PRRX1: variants seen among roughly 807,000 people sequenced by gnomAD.
The protein encoded by PRRX1 is paired mesoderm homeobox protein 1.
PRRX1 carries 8 observed loss-of-function variants against 24.0 expected under a neutral mutation model. The observed-to-expected ratio is 0.33, with a 90% CI of 0.20 to 0.60. PRRX1 has a LOEUF of 0.60. PRRX1 is among the 20% of genes least tolerant of loss of function. The probability of loss-of-function intolerance (pLI) is 0.82; values close to 1 mark genes in which losing one functional copy is unlikely to be tolerated. For missense variants in PRRX1, 281 were observed against 322.4 expected (o/e 0.87, Z 0.98); for synonymous variants, 160 against 131.7 (o/e 1.22, Z -1.47).
chr1:170,735,561 A>T (rs1053376731), intron 3 of PRRX1, among the ~76,000 whole-genome samples: 2 of 152,174 alleles, frequency 1.3e-5, no homozygotes, highest in Non-Finnish European at 2.9e-5. Flanking sequence ...TATGGTATTT[A>T]TTATCTAAAA....
At chr1:170,665,075 G>A (rs1184323059) in intron 1 of PRRX1, among the ~76,000 whole-genome samples, 1 of 152,188 alleles carries the variant, frequency 6.6e-6, no homozygotes, top group African/African-American at 2.4e-5. Flanking sequence ...TGCCTCTACC[G>A]CAAATGGGTT....
chr1:170,679,140 T>C (rs1467309988), intron 1 of PRRX1, among the ~76,000 whole-genome samples: 5 of 152,208 alleles, frequency 3.3e-5, no homozygotes, highest in Non-Finnish European at 2.9e-5. Flanking sequence ...AAGGAGTACA[T>C]ACAGCTTTAA....
chr1:170,705,923 CACACACACACAT>C lies in PRRX1; in HGVS notation c.242-13791_242-13780del, dbSNP rs1654544006. 4.0e-5 allele frequency among the ~76,000 whole-genome samples: 5 copies of C among 126,134 alleles called. No homozygotes were observed. The South Asian group carries it at 1.3e-3, about 33-fold the overall frequency. The allele number at this position is 126,134 out of a possible 152,430, so 82.7% of individuals were successfully genotyped here. On this transcript the variant is annotated intron_variant, in intron 1 of 3. Transcript: ENST00000239461. The stretch of plus-strand genomic sequence containing the variant: ...TCACACATATACCCACATAGACACA[CACACACACACAT>C]ACACACACACACACACACACACACA...
chr1:170,707,348 C>T (rs1306372925), intron 1 of PRRX1, among the ~76,000 whole-genome samples: 2 of 151,866 alleles, frequency 1.3e-5, no homozygotes, highest in Non-Finnish European at 2.9e-5. Flanking sequence ...CAGGGGTCTG[C>T]AGAACACAGC....
intron 1 of PRRX1, among the ~76,000 whole-genome samples, chr1:170,682,105 T>A (rs1034603923): frequency 1.3e-5 from 2 of 152,152 alleles, no homozygotes; most frequent in Non-Finnish European, 2.9e-5. Context: ...GCAGCTAGTA[T>A]GTTGCATCCT....
rs1045190978 is a variant in PRRX1, at chr1:170,737,410, G to A, written c.*1224G>A. On this transcript the variant is annotated 3_prime_UTR_variant, in exon 4 of 4. Coordinates refer to ENST00000239461, the MANE Select transcript of PRRX1 (RefSeq NM_022716.4). The stretch of plus-strand genomic sequence containing the variant: ...TTTAAATGAATTAGAAACTATTTGA[G>A]GCTATAAAAATGTCCTTGAGTTTGG... 1 of 195,724 alleles carries A rather than the reference G, an allele frequency of 5.1e-6. No individual in the cohort carries two copies. Among genetic ancestry groups the A allele is most frequent in the Non-Finnish European group, 1.1e-5 (1 of 94,354 alleles). The allele number at this position is 195,724 out of a possible 1,614,324, so 12.1% of individuals were successfully genotyped here.
At position 170,708,356 on chromosome 1, in the gene PRRX1, G is replaced by T. The variant is rs1006383237; in HGVS notation, c.242-11370G>T. On this transcript the variant is annotated intron_variant, in intron 1 of 3. Coordinates refer to ENST00000239461, the MANE Select transcript of PRRX1 (RefSeq NM_022716.4). ...TTTCTCATATGACCTTAGTGCATCG[G>T]CTTCCTTACTAGTTAAAACAGTCGC... Among the ~76,000 whole-genome samples, 4 of 152,030 alleles carry T rather than the reference G, an allele frequency of 2.6e-5. No homozygotes were observed. The East Asian group carries it at 7.8e-4, about 29-fold the overall frequency.
chr1:170,722,011 G>A (rs1655101062), intron 2 of PRRX1, among the ~76,000 whole-genome samples: 1 of 151,794 alleles, frequency 6.6e-6, no homozygotes, highest in Non-Finnish European at 1.5e-5. Flanking sequence ...TTTTGGGGTT[G>A]GGGGACTGTC....
intron 3 of PRRX1, 97 bp from the exon 4 acceptor site, chr1:170,735,951 G>T: frequency 2.0e-6 from 3 of 1,529,500 alleles, no homozygotes; most frequent in Non-Finnish European, 1.8e-6. Flanking sequence ...GCCCCTGCCT[G>T]CCCCCATGCT....
chr1:170,691,177 G>A (rs1653933279), intron 1 of PRRX1, among the ~76,000 whole-genome samples: 4 of 152,094 alleles, frequency 2.6e-5, no homozygotes, highest in Admixed American at 2.6e-4. Context: ...AAATGGTTGT[G>A]CAAAAGGTAT....
At chr1:170,729,360 A>C (rs979380813) in intron 3 of PRRX1, among the ~76,000 whole-genome samples, 1 of 152,194 alleles carries the variant, frequency 6.6e-6, no homozygotes, top group African/African-American at 2.4e-5. Context: ...AGCCAGAGAC[A>C]GTGAGCGACA....
intron 1 of PRRX1, among the ~76,000 whole-genome samples, chr1:170,711,892 C>T (rs919170623): frequency 6.6e-6 from 1 of 152,196 alleles, no homozygotes; most frequent in African/African-American, 2.4e-5. Context: ...TTTCCCAGAA[C>T]TTTGGTTTCT....
chr1:170,733,501 A>C (rs1211304978), intron 3 of PRRX1, among the ~76,000 whole-genome samples: 1 of 152,172 alleles, frequency 6.6e-6, no homozygotes, highest in Non-Finnish European at 1.5e-5. Flanking sequence ...TTGGGATGAG[A>C]AAATTTTTCT....
At chr1:170,729,621 C>G (rs1655365610) in intron 3 of PRRX1, among the ~76,000 whole-genome samples, 1 of 152,048 alleles carries the variant, frequency 6.6e-6, no homozygotes, top group South Asian at 2.1e-4. Flanking sequence ...AGGTATAAGC[C>G]AGGATTGTCC....
At chr1:170,720,515 A>G (rs1226634784) in intron 2 of PRRX1, among the ~76,000 whole-genome samples, 1 of 152,114 alleles carries the variant, frequency 6.6e-6, no homozygotes, top group Admixed American at 6.5e-5. Flanking sequence ...TTCCAGATTT[A>G]TGTGATATAC....
At chr1:170,693,293 T>A (rs1654054406) in intron 1 of PRRX1, among the ~76,000 whole-genome samples, 2 of 152,026 alleles carry the variant, frequency 1.3e-5, no homozygotes, top group Non-Finnish European at 2.9e-5. Flanking sequence ...CTAAATATAC[T>A]ATAAAGAGTG....
chr1:170,701,214 T>C (rs1654348696), intron 1 of PRRX1, among the ~76,000 whole-genome samples: 1 of 152,210 alleles, frequency 6.6e-6, no homozygotes, highest in African/African-American at 2.4e-5. Context: ...ATCACAGCTT[T>C]ACAATATATA....
chr1:170,662,800 T>C (rs1367925858), upstream of PRRX1: 2 of 149,678 alleles, frequency 1.3e-5, no homozygotes, highest in Non-Finnish European at 3.0e-5. Context: ...GTGATGGTGG[T>C]GGATTTTTTC....
chr1:170,681,493 G>C (rs1653505288), intron 1 of PRRX1, among the ~76,000 whole-genome samples: 1 of 92,712 alleles, frequency 1.1e-5, no homozygotes. Context: ...TGTTATCTTT[G>C]CAAAAAAAAA....
Sources: gnomAD v4.1 joint callset for allele counts (sites outside exome capture counted in the v4.1 genomes callset) on GRCh38, gnomAD v4.1.1 for gene constraint, MANE v1.5 for transcripts, NCBI Gene and HGNC (gene_info 2026-07-23, HGNC 2026-07-21) for gene names.